The following CAPZA2 variants were observed in gnomAD, a reference collection of about 807,000 sequenced individuals.
The protein encoded by CAPZA2 is F-actin-capping protein subunit alpha-2.
In CAPZA2, 13 loss-of-function variants were observed where a neutral mutation model predicts 44.0. The ratio of observed to expected loss-of-function variants is 0.30; its 90% CI spans 0.19 to 0.47. The LOEUF (loss-of-function observed/expected upper bound fraction) is 0.47. Among genes scored for constraint, CAPZA2 ranks in the 20% least tolerant of loss-of-function variants. The probability of loss-of-function intolerance (pLI) is 1.00; values close to 1 mark genes in which losing one functional copy is unlikely to be tolerated. For missense variants in CAPZA2, 244 were observed against 338.6 expected (o/e 0.72, Z 2.19); for synonymous variants, 94 against 108.2 (o/e 0.87, Z 0.81).
intron 8 of CAPZA2, among the ~76,000 whole-genome samples, chr7:116,914,432 T>TACACACACACAC (rs71148345): frequency 1.7e-4 from 25 of 145,134 alleles, no homozygotes; most frequent in African/African-American, 6.2e-4. Context: ...TATACATACA[T>TACACACACACAC]ACACACACAC....
At chr7:116,916,428 T>C (rs1791679905) in intron 9 of CAPZA2, among the ~76,000 whole-genome samples, 1 of 152,176 alleles carries the variant, frequency 6.6e-6, no homozygotes, top group Admixed American at 6.5e-5. Flanking sequence ...ATCAAGACCA[T>C]CCTGGCCAAC....
At position 116,871,452 on chromosome 7, in the gene CAPZA2, T is replaced by C. The variant is rs186589320; in HGVS notation, c.39+8802T>C. Among the ~76,000 whole-genome samples the C allele has an allele frequency of 3.2e-3, 486 of 152,286 alleles. 4 individuals carry two copies. The highest frequency in any genetic ancestry group is 0.011 in the African/African-American group (455 of 41,572). ...ATTAATTGTCAGAATAACCTTGTTA[T>C]TATCTTCATTGTACAGACAGGAAAC... On this transcript the variant is annotated intron_variant, in intron 1 of 9. Coordinates refer to ENST00000361183, the MANE Select transcript of CAPZA2 (RefSeq NM_006136.3).
chr7:116,909,768 CA>C (rs1440436991), intron 6 of CAPZA2: 1 of 169,426 alleles, frequency 5.9e-6, no homozygotes, highest in African/African-American at 2.4e-5. Context: ...ACATTTATTC[CA>C]TTTATTTTGG....
At chr7:116,912,502 C>G (rs1319548443) in intron 8 of CAPZA2, among the ~76,000 whole-genome samples, 1 of 152,168 alleles carries the variant, frequency 6.6e-6, no homozygotes, top group African/African-American at 2.4e-5. Context: ...CCCCAGAACC[C>G]TCCCAGCCCT....
Position 116,909,822 on chromosome 7 carries a change from T to C in CAPZA2, c.507-411T>C, listed in dbSNP as rs536527936. On this transcript the variant is annotated intron_variant, in intron 6 of 9. Coordinates refer to ENST00000361183, the MANE Select transcript of CAPZA2 (RefSeq NM_006136.3). ...TTGAAGAAGTAGCTTAAAATTTATC[T>C]CCACAGTAGCTTATGACTTAGTTTT... 26 of 173,590 alleles carry C rather than the reference T, an allele frequency of 1.5e-4. No homozygotes were observed. The South Asian group carries it at 3.4e-3, about 23-fold the overall frequency. The allele number at this position is 173,590 out of a possible 1,614,324, so 10.8% of individuals were successfully genotyped here.
intron 4 of CAPZA2, among the ~76,000 whole-genome samples, chr7:116,903,233 A>AGTGTGTGTGTGTGTGTGTGT (rs71148342): frequency 1.4e-5 from 2 of 146,438 alleles, no homozygotes; most frequent in African/African-American, 5.0e-5. Flanking sequence ...TGCAGAGAAG[A>AGTGTGTGTGTGTGTGTGTGT]GTGTGTGTGT....
chr7:116,884,141 C>T (rs1364554902), intron 1 of CAPZA2, among the ~76,000 whole-genome samples: 8 of 152,076 alleles, frequency 5.3e-5, no homozygotes, highest in Admixed American at 6.5e-5. Context: ...TGGCCTATAC[C>T]CTACTCTCTC....
intron 4 of CAPZA2, among the ~76,000 whole-genome samples, chr7:116,901,767 T>C (rs564008503): frequency 3.3e-5 from 5 of 152,056 alleles, no homozygotes; most frequent in Non-Finnish European, 7.4e-5. Flanking sequence ...ATTTTAAAAG[T>C]AATGTATGGA....
intron 1 of CAPZA2, among the ~76,000 whole-genome samples, chr7:116,869,754 C>A (rs1312343167): frequency 1.3e-5 from 2 of 152,222 alleles, no homozygotes; most frequent in Non-Finnish European, 2.9e-5. Flanking sequence ...GCAGAGAGCC[C>A]TGCTCAGGGA....
intron 8 of CAPZA2, 55 bp from the exon 9 acceptor site, chr7:116,916,005 A>G: frequency 8.4e-7 from 1 of 1,187,582 alleles, no homozygotes; most frequent in South Asian, 1.5e-5. Context: ...ATATTTTAAA[A>G]TAATAGTGGT....
At chr7:116,914,255 TC>T (rs1276179418) in intron 8 of CAPZA2, among the ~76,000 whole-genome samples, 1 of 151,974 alleles carries the variant, frequency 6.6e-6, no homozygotes, top group African/African-American at 2.4e-5. Flanking sequence ...GGTCTCGATC[TC>T]CTGACCTCGT....
intron 1 of CAPZA2, among the ~76,000 whole-genome samples, chr7:116,866,997 G>A (rs1030171016): frequency 6.6e-6 from 1 of 151,968 alleles, no homozygotes; most frequent in African/African-American, 2.4e-5. Context: ...CAGTCATCCT[G>A]GTTTTTAATT....
In CAPZA2 at chr7:116,918,969, T is replaced by C. The variant is rs567222311; in HGVS notation, c.*1102T>C. The C allele has an allele frequency of 6.6e-6, 1 of 152,134 alleles. No homozygotes were observed. The highest frequency in any genetic ancestry group is 1.5e-5 in the Non-Finnish European group (1 of 68,022). The allele number at this position is 152,134 out of a possible 1,614,324, so 9.4% of individuals were successfully genotyped here. ...CTGTGGTGAATGTTAGTATTTACCATAGGGAGTGAAGTGGAGTTATGGTTT... is the reference window on the plus strand; with the variant it reads ...CTGTGGTGAATGTTAGTATTTACCACAGGGAGTGAAGTGGAGTTATGGTTT... On this transcript the variant is annotated 3_prime_UTR_variant, in exon 10 of 10. Coordinates refer to ENST00000361183, the MANE Select transcript of CAPZA2 (RefSeq NM_006136.3).
chr7:116,867,624 C>T (rs1796498686), intron 1 of CAPZA2, among the ~76,000 whole-genome samples: 1 of 150,240 alleles, frequency 6.7e-6, no homozygotes, highest in Non-Finnish European at 1.5e-5. Context: ...CACTCTGTCA[C>T]CCAGGCTGCA....
chr7:116,909,538 A>C lies in CAPZA2; in HGVS notation c.507-695A>C, dbSNP rs547873574. Reference sequence around the variant, plus strand: ...ATCATTTCAGGAGCAGAGAAGGAGGATATGCCTTTTATGTGGAGACTTTAA... The same window carrying C: ...ATCATTTCAGGAGCAGAGAAGGAGGCTATGCCTTTTATGTGGAGACTTTAA... On this transcript the variant is annotated intron_variant, in intron 6 of 9. Transcript: ENST00000361183. 5.9e-5 allele frequency among the ~76,000 whole-genome samples: 9 copies of C among 152,182 alleles called. No homozygotes were observed. In the South Asian group the frequency reaches 1.7e-3, roughly 28 times the overall value.
At chr7:116,864,544 T>C (rs1449122720) in intron 1 of CAPZA2, among the ~76,000 whole-genome samples, 1 of 152,190 alleles carries the variant, frequency 6.6e-6, no homozygotes, top group Non-Finnish European at 1.5e-5. Flanking sequence ...TATTTACTAA[T>C]TTAAAAACTG....
chr7:116,878,363 C>T (rs916122544), intron 1 of CAPZA2, among the ~76,000 whole-genome samples: 1 of 152,164 alleles, frequency 6.6e-6, no homozygotes, highest in Non-Finnish European at 1.5e-5. Flanking sequence ...TCATTCAGAT[C>T]TTAATTCTGG....
At chr7:116,910,480 C>G (rs924347199) in intron 7 of CAPZA2, among the ~76,000 whole-genome samples, 169 bp downstream of exon 7, 2 of 152,094 alleles carry the variant, frequency 1.3e-5, no homozygotes, top group Non-Finnish European at 2.9e-5. Context: ...AATAACCTGG[C>G]AGTTTATTCC....
At position 116,904,279 on chromosome 7, in the gene CAPZA2, C is replaced by G. The variant is rs1791456095; in HGVS notation, c.322C>G (p.Pro108Ala). 1 of 1,612,788 alleles carries G rather than the reference C, an allele frequency of 6.2e-7. No homozygotes were observed. Among genetic ancestry groups the G allele is most frequent in the African/African-American group, 1.3e-5 (1 of 74,984 alleles). ...TCACTTAAGGAAGGAGGCAACTGAT[C>G]CAAGACCCTGTGAAGTAGAAAATGC... is the stretch of plus-strand genomic sequence containing the variant. ...FDHLRKEATD[P>A]RPCEVENAVE... Residue 108 changes from proline (P) to alanine (A), a missense_variant, in exon 5 of 10, where the codon CCA becomes GCA. Transcript: ENST00000361183.
Sources: gnomAD v4.1 joint callset for allele counts (sites outside exome capture counted in the v4.1 genomes callset) on GRCh38, gnomAD v4.1.1 for gene constraint, MANE v1.5 for transcripts, NCBI Gene and HGNC (gene_info 2026-07-23, HGNC 2026-07-21) for gene names.